Variants in AOPEP observed in about 807,000 individuals in gnomAD.
The protein encoded by AOPEP is aminopeptidase O (putative).
Under a neutral mutation model 98.1 loss-of-function variants are expected in AOPEP, and 77 were observed. The observed-to-expected ratio is 0.78, with a 90% CI of 0.65 to 0.95. AOPEP has a LOEUF of 0.95. Among genes scored for constraint, AOPEP ranks in the 40% least tolerant of loss-of-function variants. The probability of loss-of-function intolerance (pLI) is 0.00; values close to 1 mark genes in which losing one functional copy is unlikely to be tolerated. For synonymous variants in AOPEP, 346 were observed against 365.3 expected, an observed-to-expected ratio of 0.95 and a Z score of 0.60; for missense variants, 1,024 against 1,024.7, an observed-to-expected ratio of 1.00 and a Z score of 0.01.
At chr9:94,754,132 T>C (rs139600224) in intron 1 of AOPEP, among the ~76,000 whole-genome samples, 38 of 152,362 alleles carry the variant, frequency 2.5e-4, no homozygotes, top group African/African-American at 8.9e-4. Context: ...GTGTGACATT[T>C]ATAAACACAA....
At chr9:94,777,334 A>T (rs1385855581) in intron 3 of AOPEP, among the ~76,000 whole-genome samples, 1 of 151,824 alleles carries the variant, frequency 6.6e-6, no homozygotes. Context: ...CCGGAGGCTG[A>T]GGCAGGAGAA....
intron 13 of AOPEP, among the ~76,000 whole-genome samples, chr9:95,012,991 G>GGT (rs1554803922): frequency 2.9e-5 from 4 of 139,614 alleles, no homozygotes; most frequent in Non-Finnish European, 4.7e-5. Flanking sequence ...TTTTTTTGGG[G>GGT]GGGGGGGCAG....
chr9:94,848,253 C>T (rs1423040449), intron 5 of AOPEP, among the ~76,000 whole-genome samples: 1 of 151,924 alleles, frequency 6.6e-6, no homozygotes, highest in South Asian at 2.1e-4. Context: ...GAGGTCGAGA[C>T]CATCCTGGCT....
At chr9:95,094,141 C>T in the AOPEP span, among the ~76,000 whole-genome samples, 2 of 152,120 alleles carry the variant, frequency 1.3e-5, no homozygotes, top group Non-Finnish European at 2.9e-5. Flanking sequence ...CTCTGAGTTG[C>T]CCCAGTGGTT....
rs759195858 is a variant in AOPEP at position 94,810,038 on chromosome 9, A to G, written c.1364+9036A>G. On this transcript the variant is annotated intron_variant, in intron 5 of 16. Coordinates refer to ENST00000375315, the MANE Select transcript of AOPEP (RefSeq NM_001193329.3). ...GGTATCACCCAGACAGCTTGCACTG[A>G]CTCCAGACCCTGCCGTCATGTCACA... 5.8e-5 allele frequency: 9 copies of G among 155,920 alleles called. No homozygotes were observed. In the East Asian group the frequency reaches 1.7e-3, roughly 30 times the overall value. 9.7% of individuals were successfully genotyped at this position (155,920 alleles called of 1,614,324 possible).
At chr9:94,989,834 C>T (rs1043825308) in intron 11 of AOPEP, among the ~76,000 whole-genome samples, 12 of 151,842 alleles carry the variant, frequency 7.9e-5, no homozygotes, top group African/African-American at 2.7e-4. Context: ...TGGTCTCAAA[C>T]TCCTGACCTT....
chr9:95,122,837 C>G, the AOPEP span, among the ~76,000 whole-genome samples: 4 of 152,154 alleles, frequency 2.6e-5, no homozygotes, highest in Non-Finnish European at 5.9e-5. Flanking sequence ...AAAGAATGCA[C>G]AAGGGAGGCT....
Position 94,800,780 on chromosome 9 carries a change from T to G in AOPEP, c.1142T>G (p.Met381Arg). 1 of 1,614,154 alleles carries G rather than the reference T, an allele frequency of 6.2e-7. No individual in the cohort carries two copies. Among genetic ancestry groups the G allele is most frequent in the Non-Finnish European group, 8.5e-7 (1 of 1,179,988 alleles). The change falls in exon 5 of 17, where the codon ATG (methionine) becomes AGG (arginine). Residue 381 changes from methionine (M) to arginine (R), a missense_variant. Around this residue, in one of 3 missense-constraint regions of AOPEP, gnomAD observed 18 missense variants for 39.1 expected, o/e 0.46. Transcript: ENST00000375315. Reference sequence around the variant, plus strand: ...AGGCATGTTGGTGTTTGCAGTCACATGGAATACCCCTGCCGCTTCCAGAAT... The same window carrying G: ...AGGCATGTTGGTGTTTGCAGTCACAGGGAATACCCCTGCCGCTTCCAGAAT... ...NFRHVGVCSH[M>R]EYPCRFQNAS... is the part of the protein sequence containing the mutation.
chr9:95,059,205 T>G (rs890042914), intron 13 of AOPEP, among the ~76,000 whole-genome samples: 4 of 152,262 alleles, frequency 2.6e-5, no homozygotes, highest in Non-Finnish European at 5.9e-5. Context: ...AGTAATTCTT[T>G]GGGTCCTTGT....
chr9:95,032,539 G>T (rs544300773), intron 13 of AOPEP, among the ~76,000 whole-genome samples: 1 of 152,374 alleles, frequency 6.6e-6, no homozygotes, highest in Non-Finnish European at 1.5e-5. Context: ...GTGGCGATGT[G>T]CACTACCAGA....
chr9:94,768,775 A>G (rs1006848025), intron 2 of AOPEP, among the ~76,000 whole-genome samples: 4 of 152,228 alleles, frequency 2.6e-5, no homozygotes, highest in African/African-American at 9.6e-5. Flanking sequence ...ACAATTGGGT[A>G]TTCCAGGGCA....
intron 13 of AOPEP, chr9:95,005,959 C>T (rs1451257438): frequency 6.1e-6 from 3 of 488,322 alleles, no homozygotes; most frequent in East Asian, 1.2e-4. Context: ...AATAAATCGC[C>T]CACAGTATTA....
intron 11 of AOPEP, among the ~76,000 whole-genome samples, chr9:94,982,804 C>T (rs575744344): frequency 4.6e-5 from 7 of 152,180 alleles, no homozygotes; most frequent in Admixed American, 2.0e-4. Context: ...TTGCACATTC[C>T]GCTAATTTGA....
chr9:95,135,263 C>T, the AOPEP span: 12 of 1,331,786 alleles, frequency 9.0e-6, no homozygotes, highest in South Asian at 1.2e-5. Context: ...GTTTACATCC[C>T]CCCCTTTCAT....
At chr9:94,991,894 G>A (rs2060913122) in intron 11 of AOPEP, among the ~76,000 whole-genome samples, 1 of 152,232 alleles carries the variant, frequency 6.6e-6, no homozygotes, top group Non-Finnish European at 1.5e-5. Flanking sequence ...TGTATATAGA[G>A]ATTAGTTTAG....
At chr9:95,038,045 A>C (rs2064981718) in intron 13 of AOPEP, among the ~76,000 whole-genome samples, 1 of 152,160 alleles carries the variant, frequency 6.6e-6, no homozygotes, top group Non-Finnish European at 1.5e-5. Context: ...TCCATGCTCC[A>C]TGCAAGCAAG....
intron 5 of AOPEP, among the ~76,000 whole-genome samples, chr9:94,854,812 A>G (rs369203065): frequency 2.6e-5 from 4 of 152,208 alleles, no homozygotes; most frequent in African/African-American, 4.8e-5. Context: ...TTGTAGGACT[A>G]TGTTGGATCG....
At chr9:94,770,482 G>T (rs1162211086) in intron 2 of AOPEP, among the ~76,000 whole-genome samples, 3 of 152,200 alleles carry the variant, frequency 2.0e-5, no homozygotes, top group African/African-American at 7.2e-5. Context: ...CTCAAGGTGT[G>T]CCAGGAGCTG....
At chr9:94,887,053 A>C (rs1182711700) in intron 5 of AOPEP, among the ~76,000 whole-genome samples, 4 of 152,154 alleles carry the variant, frequency 2.6e-5, no homozygotes, top group Non-Finnish European at 5.9e-5. Flanking sequence ...AACTCATGTC[A>C]GGTAAGGCTA....
Sources: gnomAD v4.1 joint callset for allele counts (sites outside exome capture counted in the v4.1 genomes callset) on GRCh38, gnomAD v4.1.1 for gene constraint, gnomAD v4.1.1 regional missense constraint, MANE v1.5 for transcripts, NCBI Gene and HGNC (gene_info 2026-07-23, HGNC 2026-07-21) for gene names.